RABGAP1L: variants seen among roughly 807,000 people sequenced by gnomAD.
RABGAP1L encodes the protein rab GTPase-activating protein 1-like.
A neutral mutation model predicts 137.7 loss-of-function variants in RABGAP1L; 63 were observed. The observed-to-expected ratio is 0.46, with a 90% CI of 0.37 to 0.56. The LOEUF (loss-of-function observed/expected upper bound fraction) is 0.56, where lower values mean the gene tolerates loss of function less well. RABGAP1L is among the 20% of genes least tolerant of loss of function. The probability of loss-of-function intolerance (pLI) is 0.00; values close to 1 mark genes in which losing one functional copy is unlikely to be tolerated. For synonymous variants in RABGAP1L, 431 were observed against 433.7 expected, an observed-to-expected ratio of 0.99 and a Z score of 0.08; for missense variants, 1,095 against 1,244.0, an observed-to-expected ratio of 0.88 and a Z score of 1.80.
chr1:174,691,922 A>T (rs1678903783), intron 15 of RABGAP1L, among the ~76,000 whole-genome samples: 1 of 152,042 alleles, frequency 6.6e-6, no homozygotes, highest in Non-Finnish European at 1.5e-5. Context: ...ATTGCATCTC[A>T]CATCTTGGTT....
chr1:174,490,568 C>T (rs1376159074), intron 13 of RABGAP1L, among the ~76,000 whole-genome samples: 1 of 152,140 alleles, frequency 6.6e-6, no homozygotes, highest in East Asian at 1.9e-4. Flanking sequence ...CCAGTATAAC[C>T]ACTACCAGGT....
At chr1:174,544,007 T>C (rs1285004006) in intron 13 of RABGAP1L, among the ~76,000 whole-genome samples, 1 of 152,214 alleles carries the variant, frequency 6.6e-6, no homozygotes, top group Non-Finnish European at 1.5e-5. Flanking sequence ...ACTCGACCTT[T>C]CTCTCTGGCT....
intron 13 of RABGAP1L, among the ~76,000 whole-genome samples, chr1:174,463,807 T>TA (rs199920744): frequency 2.0e-4 from 30 of 150,220 alleles, no homozygotes; most frequent in African/African-American, 3.9e-4. Flanking sequence ...TACTAAAAAG[T>TA]AAAAAAAATA....
intron 13 of RABGAP1L, among the ~76,000 whole-genome samples, chr1:174,635,132 T>G (rs992168764): frequency 1.3e-5 from 2 of 152,130 alleles, no homozygotes; most frequent in Non-Finnish European, 2.9e-5. Context: ...TTTTTTCTTT[T>G]TACCAATTTT....
chr1:174,787,579 G>A (rs183972851), intron 18 of RABGAP1L, among the ~76,000 whole-genome samples: 1 of 152,228 alleles, frequency 6.6e-6, no homozygotes, highest in Admixed American at 6.5e-5. Flanking sequence ...TTGGGCATGA[G>A]GGGTCAAGGT....
intron 19 of RABGAP1L, among the ~76,000 whole-genome samples, chr1:174,901,457 C>A (rs1408774831): frequency 1.3e-5 from 2 of 152,136 alleles, no homozygotes; most frequent in African/African-American, 4.8e-5. Context: ...ACCATCAGAT[C>A]TCATGAGAAC....
intron 19 of RABGAP1L, among the ~76,000 whole-genome samples, chr1:174,820,331 T>A (rs1690886784): frequency 6.6e-6 from 1 of 152,140 alleles, no homozygotes; most frequent in African/African-American, 2.4e-5. Context: ...GTATCCCTGA[T>A]TTGTAGCGTT....
chr1:174,165,551 T>C (rs2148201054), intron 1 of RABGAP1L, among the ~76,000 whole-genome samples: 1 of 151,996 alleles, frequency 6.6e-6, no homozygotes, highest in East Asian at 1.9e-4. Context: ...TCAAACTGAG[T>C]GCTGTGGTGC....
chr1:174,351,325 G>A (rs545700658), intron 11 of RABGAP1L, among the ~76,000 whole-genome samples: 1 of 152,272 alleles, frequency 6.6e-6, no homozygotes, highest in South Asian at 2.1e-4. Context: ...TCAGATTGAA[G>A]AACTCCCTTT....
At chr1:174,269,573 G>A (rs1674381334) in intron 7 of RABGAP1L, among the ~76,000 whole-genome samples, 2 of 152,148 alleles carry the variant, frequency 1.3e-5, no homozygotes, top group South Asian at 4.2e-4. Context: ...GTATAGTAGA[G>A]CCTGGCTTAA....
At chr1:174,596,426 T>A (rs1255426992) in intron 13 of RABGAP1L, among the ~76,000 whole-genome samples, 1 of 152,206 alleles carries the variant, frequency 6.6e-6, no homozygotes, top group Admixed American at 6.5e-5. Flanking sequence ...ATTGTACAGA[T>A]CTTTCACTTC....
chr1:174,505,014 T>C (rs1166832303), intron 13 of RABGAP1L, among the ~76,000 whole-genome samples: 1 of 152,134 alleles, frequency 6.6e-6, no homozygotes, highest in Non-Finnish European at 1.5e-5. Flanking sequence ...TCAATTCAAT[T>C]GTAAGAAAAC....
intron 1 of RABGAP1L, among the ~76,000 whole-genome samples, chr1:174,202,858 C>G (rs1184608446): frequency 2.6e-5 from 4 of 152,168 alleles, no homozygotes; most frequent in African/African-American, 9.7e-5. Context: ...CCAGTTTCAG[C>G]TTTCTACATA....
chr1:174,783,411 A>G (rs1687182296), intron 18 of RABGAP1L, among the ~76,000 whole-genome samples: 1 of 152,050 alleles, frequency 6.6e-6, no homozygotes, highest in African/African-American at 2.4e-5. Flanking sequence ...AGCCGTCACC[A>G]TCTTGGGAGC....
chr1:174,595,947 C>A lies in RABGAP1L; in HGVS notation c.1711-41428C>A, dbSNP rs1318684616. Among the ~76,000 whole-genome samples the A allele has an allele frequency of 4.9e-4, 51 of 104,044 alleles. 3 individuals carry two copies. Among genetic ancestry groups the A allele is most frequent in the Non-Finnish European group, 2.5e-4 (14 of 55,678 alleles). The allele number at this position is 104,044 out of a possible 152,430, so 68.3% of individuals were successfully genotyped here. ...GCCTTGGCAATGGCGGGCGCCCCTC[C>A]CCCAGCCTCGTTGCCGCCTTGCAGT... On this transcript the variant is annotated intron_variant, in intron 13 of 25. Coordinates refer to ENST00000681986, the MANE Select transcript of RABGAP1L (RefSeq NM_001366446.1).
At chr1:174,534,556 C>A (rs1664729828) in intron 13 of RABGAP1L, among the ~76,000 whole-genome samples, 1 of 151,918 alleles carries the variant, frequency 6.6e-6, no homozygotes, top group African/African-American at 2.4e-5. Flanking sequence ...GTGGGCGGAT[C>A]ACTGGAGGTT....
intron 12 of RABGAP1L, among the ~76,000 whole-genome samples, chr1:174,378,527 T>G (rs887172012): frequency 3.9e-5 from 6 of 152,086 alleles, no homozygotes; most frequent in African/African-American, 1.4e-4. Context: ...TGCATTTCTC[T>G]GATGGCCAGT....
intron 13 of RABGAP1L, among the ~76,000 whole-genome samples, chr1:174,451,070 G>T (rs528909134): frequency 2.0e-5 from 3 of 151,994 alleles, no homozygotes; most frequent in Non-Finnish European, 4.4e-5. Context: ...AAAACACTTA[G>T]GACAAGAGTT....
chr1:174,782,796 C>A (rs1315771475), intron 18 of RABGAP1L, among the ~76,000 whole-genome samples: 1 of 152,118 alleles, frequency 6.6e-6, no homozygotes. Context: ...TCAGCTCACA[C>A]CTGACCAATC....
Sources: allele counts gnomAD v4.1 joint callset (sites outside exome capture counted in the v4.1 genomes callset), GRCh38; gene constraint gnomAD v4.1.1; transcripts MANE v1.5; gene names NCBI Gene and HGNC (gene_info 2026-07-23, HGNC 2026-07-21).